FANCI: variants seen among roughly 807,000 people sequenced by gnomAD.
The protein encoded by FANCI is Fanconi anemia group I protein.
A neutral mutation model predicts 176.1 loss-of-function variants in FANCI; 156 were observed. The ratio of observed to expected loss-of-function variants is 0.89; its 90% CI spans 0.78 to 1.01. FANCI has a LOEUF of 1.01. Ranked by LOEUF, FANCI falls within the 50% of genes least tolerant of loss-of-function variation. FANCI has a pLI of 0.00. For synonymous variants in FANCI, 613 were observed against 541.7 expected, an observed-to-expected ratio of 1.13 and a Z score of -1.83; for missense variants, 1,678 against 1,534.1, an observed-to-expected ratio of 1.09 and a Z score of -1.57.
intron 24 of FANCI, among the ~76,000 whole-genome samples, chr15:89,298,008 A>G (rs1486779693): frequency 3.3e-5 from 5 of 152,196 alleles, no homozygotes; most frequent in African/African-American, 4.8e-5. Context: ...GCAAAAACTG[A>G]TGGAACTGAA....
intron 10 of FANCI, among the ~76,000 whole-genome samples, chr15:89,273,003 A>C (rs1411843080): frequency 1.3e-5 from 2 of 152,036 alleles, no homozygotes; most frequent in Non-Finnish European, 2.9e-5. Context: ...TATACTTTTA[A>C]GATGTATGTA....
chr15:89,281,316 C>G lies in FANCI; in HGVS notation c.1512+16C>G. 6.2e-7 allele frequency: 1 copy of G among 1,613,358 alleles called. No individual in the cohort carries two copies. The highest frequency in any genetic ancestry group is 8.5e-7 in the Non-Finnish European group (1 of 1,179,576). The stretch of plus-strand genomic sequence containing the variant: ...GGCAGTGCAGGTAAGTCTTCAGATT[C>G]CCAAGTAACTTGCCAAAACTGAGGT... On this transcript the variant is annotated intron_variant, in intron 15 of 37. Coordinates refer to ENST00000310775, the MANE Select transcript of FANCI (RefSeq NM_001113378.2).
At chr15:89,245,450 G>A (rs2051922915) in intron 1 of FANCI, 1 of 142,874 alleles carries the variant, frequency 7.0e-6, no homozygotes, top group African/African-American at 2.6e-5. Flanking sequence ...GCCCGCCTTG[G>A]CCTCCCAAAG....
chr15:89,300,819 T>G (rs1486263864), intron 26 of FANCI, among the ~76,000 whole-genome samples: 1 of 152,252 alleles, frequency 6.6e-6, no homozygotes, highest in Non-Finnish European at 1.5e-5. Flanking sequence ...CAAGTAATTC[T>G]GAAGTTCCTA....
chr15:89,317,066 G>A lies in FANCI; in HGVS notation c.*607G>A. Reference sequence around the variant, plus strand: ...TTACTTGTTTGGTATTTAAAGCACAGTTTGTTTTTCTGTCACCTATAGAGT... The same window carrying A: ...TTACTTGTTTGGTATTTAAAGCACAATTTGTTTTTCTGTCACCTATAGAGT... On this transcript the variant is annotated 3_prime_UTR_variant, in exon 38 of 38. Coordinates refer to ENST00000310775, the MANE Select transcript of FANCI (RefSeq NM_001113378.2). The A allele has an allele frequency of 1.7e-6, 1 of 591,170 alleles. No individual in the cohort carries two copies. The highest frequency in any genetic ancestry group is 2.9e-5 in the East Asian group (1 of 34,960). 36.6% of individuals were successfully genotyped at this position (591,170 alleles called of 1,614,324 possible).
intron 3 of FANCI, chr15:89,259,300 G>T (rs1222767166): frequency 6.2e-6 from 1 of 160,928 alleles, no homozygotes; most frequent in African/African-American, 2.4e-5. Context: ...AAAATTAAAA[G>T]TGTCTTTGGA....
chr15:89,278,088 G>A (rs975905722), intron 13 of FANCI, among the ~76,000 whole-genome samples: 2 of 152,142 alleles, frequency 1.3e-5, no homozygotes, highest in Non-Finnish European at 2.9e-5. Flanking sequence ...GGCTCCATTT[G>A]ATTTCACATG....
intron 34 of FANCI, among the ~76,000 whole-genome samples, chr15:89,311,722 GAAC>G (rs1383799983): frequency 6.6e-6 from 1 of 152,196 alleles, no homozygotes; most frequent in Non-Finnish European, 1.5e-5. Flanking sequence ...GTGGCATGTG[GAAC>G]AAGTCTCCTG....
intron 10 of FANCI, 26 bp from the exon 11 acceptor site, chr15:89,273,351 A>G: frequency 9.3e-7 from 1 of 1,078,906 alleles, no homozygotes; most frequent in African/African-American, 1.6e-5. Context: ...TAAGTAAATG[A>G]CTTCCTTTTG....
intron 16 of FANCI, 53 bp downstream of exon 16, chr15:89,281,888 C>G: frequency 6.7e-7 from 1 of 1,501,206 alleles, no homozygotes; most frequent in African/African-American, 1.4e-5. Context: ...AATGTTGGAG[C>G]TAAAGTTATC....
At chr15:89,301,581 T>C in intron 27 of FANCI, 139 bp downstream of exon 27, 1 of 740,366 alleles carries the variant, frequency 1.4e-6, no homozygotes, top group Non-Finnish European at 2.5e-6. Context: ...CCTGAGTTAA[T>C]ATAAGACCTA....
At chr15:89,283,094 G>T in intron 16 of FANCI, 42 bp from the exon 17 acceptor site, 1 of 1,603,276 alleles carries the variant, frequency 6.2e-7, no homozygotes, top group Non-Finnish European at 8.5e-7. Context: ...GCATATTCCT[G>T]TGAAATAGTA....
chr15:89,261,050 G>A lies in FANCI; in HGVS notation c.288+207G>A, dbSNP rs148364617. Among the ~76,000 whole-genome samples the A allele has an allele frequency of 2.7e-3, 410 of 152,202 alleles. 8 individuals are homozygous for A. The highest frequency in any genetic ancestry group is 0.015 in the East Asian group (77 of 5,182). ...GGAGGCTGAGGTGAGGATCGCTTGAGCTCAGGAGTTTGAGACCACCCTCTG... is the reference window on the plus strand; with the variant it reads ...GGAGGCTGAGGTGAGGATCGCTTGAACTCAGGAGTTTGAGACCACCCTCTG... On this transcript the variant is annotated intron_variant, in intron 4 of 37. Transcript: ENST00000310775.
chr15:89,288,204 G>A (rs774223826), intron 18 of FANCI, among the ~76,000 whole-genome samples: 16 of 152,164 alleles, frequency 1.1e-4, no homozygotes, highest in Non-Finnish European at 2.2e-4. Flanking sequence ...TTTAGGGTGA[G>A]CTTTGTGTCA....
At chr15:89,299,191 G>A (rs2054434109) in intron 24 of FANCI, among the ~76,000 whole-genome samples, 1 of 150,646 alleles carries the variant, frequency 6.6e-6, no homozygotes, top group African/African-American at 2.4e-5. Flanking sequence ...AAAAACCTGA[G>A]TAATCTTATC....
intron 18 of FANCI, 29 bp downstream of exon 18, chr15:89,285,247 C>CA: frequency 6.2e-7 from 1 of 1,613,028 alleles, no homozygotes; most frequent in South Asian, 1.1e-5. Flanking sequence ...AAGAATGTAG[C>CA]AAAACCCCAA....
rs756498005 is a variant in FANCI at position 89,293,844 on chromosome 15, T to A, written c.2303T>A (p.Phe768Tyr). 7 of 1,614,018 alleles carry A rather than the reference T, an allele frequency of 4.3e-6. No homozygotes were observed. The East Asian group carries it at 1.1e-4, about 26-fold the overall frequency. Reference sequence around the variant, plus strand: ...TTTGTTTTTTACAGTAAGAATAGGTTTGAGGACATTCTGAGCTTATTTATG... The same window carrying A: ...TTTGTTTTTTACAGTAAGAATAGGTATGAGGACATTCTGAGCTTATTTATG... Reference protein sequence around the residue: ...FSISSFSKNRFEDILSLFMCY... With the variant: ...FSISSFSKNRYEDILSLFMCY... Residue 768 changes from phenylalanine to tyrosine, a missense_variant, in exon 23 of 38, where the codon TTT becomes TAT. Phe to Tyr is a conservative substitution (Grantham distance 22). Around this residue, in one of 3 missense-constraint regions of FANCI, gnomAD observed 1,204 missense variants for 1,077.4 expected, o/e 1.12. Transcript: ENST00000310775.
chr15:89,288,215 G>A (rs969249539), intron 18 of FANCI, among the ~76,000 whole-genome samples: 1 of 152,194 alleles, frequency 6.6e-6, no homozygotes, highest in Non-Finnish European at 1.5e-5. Context: ...CTTTGTGTCA[G>A]TGTAAGTAAC....
At chr15:89,297,649 G>C (rs1392079530) in intron 24 of FANCI, among the ~76,000 whole-genome samples, 2 of 152,018 alleles carry the variant, frequency 1.3e-5, no homozygotes, top group Non-Finnish European at 2.9e-5. Context: ...CACTCGGCAG[G>C]CTGAGGCAGG....
Sources: allele counts gnomAD v4.1 joint callset (sites outside exome capture counted in the v4.1 genomes callset), GRCh38; gene constraint gnomAD v4.1.1; regional missense constraint gnomAD v4.1.1; transcripts MANE v1.5; gene names NCBI Gene and HGNC (gene_info 2026-07-23, HGNC 2026-07-21).